Variants in FANCB observed in about 807,000 individuals in gnomAD.
FANCB encodes the protein FA complementation group B.
Under a neutral mutation model 38.9 loss-of-function variants are expected in FANCB, and 5 were observed. That is an observed-to-expected ratio of 0.13 (90% CI 0.07 to 0.27). FANCB has a LOEUF of 0.27. FANCB is among the 10% of genes least tolerant of loss of function. The pLI, the probability that FANCB is intolerant of heterozygous loss-of-function variation, is 1.00. For missense variants in FANCB, 573 were observed against 602.7 expected (o/e 0.95, Z 0.52); for synonymous variants, 236 against 215.4 (o/e 1.10, Z -0.84).
chrX:14,749,521 A>G, the FANCB span, among the ~76,000 whole-genome samples: 1 of 111,893 alleles, frequency 8.9e-6, no homozygotes, highest in Non-Finnish European at 1.9e-5. Context: ...TGGTAGGCGA[A>G]TAAAGCTTTG....
the FANCB span, among the ~76,000 whole-genome samples, chrX:14,747,240 C>T: frequency 8.9e-6 from 1 of 112,619 alleles, no homozygotes; most frequent in Non-Finnish European, 1.9e-5. Flanking sequence ...CCAGGGAAAG[C>T]TTACAGTTCT....
the FANCB span, among the ~76,000 whole-genome samples, chrX:14,810,006 A>G: frequency 8.9e-6 from 1 of 112,074 alleles, no homozygotes. Context: ...ACGATCAGAC[A>G]GCAGCATTCG....
chrX:14,864,946 A>T lies in FANCB; in HGVS notation c.565T>A (p.Cys189Ser). 9.1e-6 allele frequency: 11 copies of T among 1,210,977 alleles called. No homozygotes were observed. The highest frequency in any genetic ancestry group is 1.1e-5 in the Non-Finnish European group (10 of 894,764). The stretch of plus-strand genomic sequence containing the variant: ...GTACATTCTTCCTCAGATAAACAAC[A>T]TTCCTTTAGTCCCAATAAAACCATA... The part of the protein sequence containing the change: ...LGMVLLGLKE[C>S]CLSEEECTQE... Residue 189 changes from cysteine to serine, a missense_variant, in exon 3 of 10, where the codon TGT (cysteine) becomes AGT (serine). Transcript: ENST00000650831.
chrX:14,802,131 G>A, the FANCB span, among the ~76,000 whole-genome samples: 1,144 of 111,598 alleles, frequency 0.01, 11 homozygotes, highest in Middle Eastern at 0.041. Flanking sequence ...AAGTGGTGTT[G>A]AGGGTGGGGT....
chrX:14,730,891 TACACACACACACACACACACAC>T, the FANCB span: 498 of 97,715 alleles, frequency 5.1e-3, 3 homozygotes, highest in Non-Finnish European at 5.9e-3. Flanking sequence ...AAGTTAGCTA[TACACACACACACACACACACAC>T]ACACACACAC....
chrX:14,719,450 G>A, the FANCB span, among the ~76,000 whole-genome samples: 2 of 111,994 alleles, frequency 1.8e-5, no homozygotes, highest in Non-Finnish European at 3.8e-5. Flanking sequence ...GTATATGAAA[G>A]AATGCTGAAC....
At chrX:14,705,234 C>T in the FANCB span, among the ~76,000 whole-genome samples, 20 of 112,080 alleles carry the variant, frequency 1.8e-4, no homozygotes, top group Admixed American at 5.7e-4. Context: ...GCTTCCCACT[C>T]CAAGACCTTC....
the FANCB span, among the ~76,000 whole-genome samples, chrX:14,737,105 C>T: frequency 4.5e-5 from 5 of 110,824 alleles, no homozygotes; most frequent in Admixed American, 9.6e-5. Context: ...TTCAGTGAGC[C>T]GAGATCTTAC....
chrX:14,789,067 T>C, the FANCB span, among the ~76,000 whole-genome samples: 1 of 112,097 alleles, frequency 8.9e-6, no homozygotes, highest in Admixed American at 9.5e-5. Flanking sequence ...GATTTCATTA[T>C]CTTATTTAAT....
chrX:14,869,885 T>C (rs1259352105), intron 1 of FANCB, among the ~76,000 whole-genome samples: 1 of 112,321 alleles, frequency 8.9e-6, no homozygotes, highest in East Asian at 2.8e-4. Context: ...CTTATTCTCA[T>C]GAACTTAAAC....
chrX:14,733,925 A>G, the FANCB span, among the ~76,000 whole-genome samples: 15 of 111,961 alleles, frequency 1.3e-4, no homozygotes, highest in Admixed American at 1.2e-3. Flanking sequence ...CCATGGTTTT[A>G]TTTTTTAATT....
intron 6 of FANCB, among the ~76,000 whole-genome samples, chrX:14,851,667 T>C (rs770628673): frequency 8.9e-6 from 1 of 111,917 alleles, no homozygotes; most frequent in South Asian, 3.7e-4. Flanking sequence ...GAGCCAAAAA[T>C]GGGGCCTTGC....
chrX:14,786,406 T>C, the FANCB span, among the ~76,000 whole-genome samples: 3 of 111,172 alleles, frequency 2.7e-5, no homozygotes, highest in African/African-American at 9.8e-5. Flanking sequence ...AGAGGACTCT[T>C]CCTGACCCCT....
the FANCB span, among the ~76,000 whole-genome samples, chrX:14,777,946 T>C: frequency 8.9e-6 from 1 of 112,157 alleles, no homozygotes; most frequent in Non-Finnish European, 1.9e-5. Context: ...AAGACCTACA[T>C]GTTGCTTGCA....
chrX:14,759,570 C>T, the FANCB span, among the ~76,000 whole-genome samples: 412 of 111,467 alleles, frequency 3.7e-3, 2 homozygotes, highest in Non-Finnish European at 6.6e-3. Context: ...TGATCTTTAG[C>T]GTTTTTAAAC....
chrX:14,816,255 G>A, the FANCB span, among the ~76,000 whole-genome samples: 1 of 111,860 alleles, frequency 8.9e-6, no homozygotes, highest in East Asian at 2.8e-4. Flanking sequence ...GCAAATATTA[G>A]TAATGTCTAC....
At chrX:14,839,578 CA>C (rs946494621), downstream of FANCB, among the ~76,000 whole-genome samples, 6 of 110,707 alleles carry the variant, frequency 5.4e-5, no homozygotes, top group Admixed American at 4.8e-4. Flanking sequence ...CATCTATTTT[CA>C]GGTATATACT....
At chrX:14,761,364 A>C in the FANCB span, among the ~76,000 whole-genome samples, 76 of 111,265 alleles carry the variant, frequency 6.8e-4, no homozygotes, top group Non-Finnish European at 1.1e-3. Context: ...GATATTTTTA[A>C]GACAAATTGG....
the FANCB span, among the ~76,000 whole-genome samples, chrX:14,801,039 GAAGCA>G: frequency 1.2e-5 from 1 of 85,762 alleles, no homozygotes; most frequent in Admixed American, 1.3e-4. Flanking sequence ...AGAAATTACC[GAAGCA>G]GAAGCAGAAG....
Sources: allele counts gnomAD v4.1 joint callset (sites outside exome capture counted in the v4.1 genomes callset), GRCh38; gene constraint gnomAD v4.1.1; transcripts MANE v1.5; gene names NCBI Gene and HGNC (gene_info 2026-07-23, HGNC 2026-07-21).